Variants in TRAPPC9 observed in about 807,000 individuals in gnomAD.
TRAPPC9 encodes the protein IKK2 binding protein.
TRAPPC9 carries 83 observed loss-of-function variants against 124.0 expected under a neutral mutation model. The observed-to-expected ratio is 0.67, with a 90% confidence interval of 0.56 to 0.80. TRAPPC9 has a LOEUF of 0.80. TRAPPC9 is among the 30% of genes least tolerant of loss of function. The pLI is 0.00. For missense variants in TRAPPC9, 1,302 were observed against 1,508.3 expected (o/e 0.86, Z 2.27); for synonymous variants, 638 against 617.5 (o/e 1.03, Z -0.49).
chr8:139,748,364 T>C (rs1563782218), intron 21 of TRAPPC9, among the ~76,000 whole-genome samples: 1 of 88,500 alleles, frequency 1.1e-5, no homozygotes, highest in East Asian at 3.6e-4. Context: ...ACAGCAGGAG[T>C]CAGAGCAGGT....
rs555431509 is a variant in TRAPPC9, at chr8:140,418,385, A to T, written c.886+8230T>A. ...ATGTTGCCCTAATACCAAAACCAGA[A>T]ACAGACATCAAAAGAAAACTACAGA... is the stretch of plus-strand genomic sequence containing the variant. On this transcript the variant is annotated intron_variant, in intron 5 of 22. Coordinates refer to ENST00000438773, the MANE Select transcript of TRAPPC9 (RefSeq NM_001160372.4). Among the ~76,000 whole-genome samples the T allele has an allele frequency of 1.8e-4, 28 of 152,314 alleles. No homozygotes were observed. The South Asian group carries it at 2.9e-3, about 16-fold the overall frequency.
chr8:140,235,801 A>C (rs2063716188), intron 16 of TRAPPC9, among the ~76,000 whole-genome samples: 1 of 152,246 alleles, frequency 6.6e-6, no homozygotes, highest in South Asian at 2.1e-4. Context: ...GAATGTCTAT[A>C]GCAGCATCAT....
chr8:140,260,036 G>A (rs2064364400), intron 15 of TRAPPC9, among the ~76,000 whole-genome samples: 1 of 152,248 alleles, frequency 6.6e-6, no homozygotes. Flanking sequence ...CTTGAGTCAT[G>A]AGATCATGGG....
chr8:140,240,563 C>G (rs1160746709), intron 16 of TRAPPC9, among the ~76,000 whole-genome samples: 5 of 152,208 alleles, frequency 3.3e-5, no homozygotes, highest in African/African-American at 7.2e-5. Context: ...ACTCCCAAAT[C>G]TAGCCAACTT....
intron 17 of TRAPPC9, among the ~76,000 whole-genome samples, chr8:140,191,605 T>G (rs1033781603): frequency 3.0e-4 from 45 of 152,280 alleles, no homozygotes; most frequent in African/African-American, 1.1e-3. Context: ...ATTGTAAGCT[T>G]CCTGAGGCCC....
rs1266080217 is a variant in TRAPPC9, at chr8:140,287,630, C to T, written c.1959G>A (p.Thr653=). ...TACCGTTCACAGTAATCGTTCCAGT[C>T]GTCTGCGGGACCCCGACGAGCGTCA... ...YPVTLVGVPQ[T]TGTITVNGYH... The change falls in exon 13 of 23, where the codon ACG becomes ACA. Residue 653 remains threonine (T), a synonymous_variant. Transcript: ENST00000438773. 6.2e-6 allele frequency: 10 copies of T among 1,614,058 alleles called. No individual in the cohort carries two copies. The highest frequency in any genetic ancestry group is 2.7e-5 in the African/African-American group (2 of 74,938).
At chr8:140,025,565 C>CAAAAAAAAAAAAAAGAAAAAAAAAAAA (rs1840091121) in intron 17 of TRAPPC9, among the ~76,000 whole-genome samples, 1 of 123,852 alleles carries the variant, frequency 8.1e-6, no homozygotes. Context: ...AAGCAAAATG[C>CAAAAAAAAAAAAAAGAAAAAAAAAAAA]AAAAAAAAAA....
At chr8:140,309,257 C>A (rs546073944) in intron 10 of TRAPPC9, among the ~76,000 whole-genome samples, 2 of 152,244 alleles carry the variant, frequency 1.3e-5, no homozygotes, top group Non-Finnish European at 2.9e-5. Context: ...TGCTGCTCTG[C>A]GCTTTTGTGT....
At chr8:139,878,659 C>A (rs1829485369) in intron 21 of TRAPPC9, among the ~76,000 whole-genome samples, 1 of 152,140 alleles carries the variant, frequency 6.6e-6, no homozygotes, top group Non-Finnish European at 1.5e-5. Flanking sequence ...AGCTGTCCTG[C>A]AAAACAGTTG....
chr8:140,262,524 G>T (rs569237521), intron 15 of TRAPPC9: 1 of 151,022 alleles, frequency 6.6e-6, no homozygotes, highest in East Asian at 1.9e-4. Context: ...GTATACGGTG[G>T]GGGGGGGCAG....
chr8:139,947,620 G>C (rs1834308849), intron 19 of TRAPPC9, among the ~76,000 whole-genome samples: 1 of 151,948 alleles, frequency 6.6e-6, no homozygotes, highest in Non-Finnish European at 1.5e-5. Context: ...AGCACTTTGG[G>C]AGGCCTAGGC....
intron 9 of TRAPPC9, among the ~76,000 whole-genome samples, chr8:140,341,822 T>G (rs1195722157): frequency 6.6e-6 from 1 of 152,188 alleles, no homozygotes; most frequent in Non-Finnish European, 1.5e-5. Context: ...AAACTCACAG[T>G]ACGTGTGTGT....
In TRAPPC9 at chr8:140,003,601, C is replaced by CAAA. The variant is rs58826807; in HGVS notation, c.2700-14768_2700-14766dup. ...TGGGTGACAGAGTGAGACCCTGTCA[C>CAAA]AAAAAAAAAAAAAAAAAAAAAGTGC... On this transcript the variant is annotated intron_variant, in intron 18 of 22. Coordinates refer to ENST00000438773, the MANE Select transcript of TRAPPC9 (RefSeq NM_001160372.4). Among the ~76,000 whole-genome samples, 406 of 91,258 alleles carry CAAA rather than the reference C, an allele frequency of 4.4e-3. 4 individuals carry two copies. Among genetic ancestry groups the CAAA allele is most frequent in the African/African-American group, 0.012 (380 of 31,634 alleles). The allele number at this position is 91,258 out of a possible 152,430, so 59.9% of individuals were successfully genotyped here. A position where few individuals can be genotyped will look rare whatever the true frequency, so the allele number is the denominator to read the frequency against.
intron 21 of TRAPPC9, among the ~76,000 whole-genome samples, chr8:139,855,330 C>T (rs574774726): frequency 4.6e-5 from 7 of 152,322 alleles, no homozygotes; most frequent in Admixed American, 1.3e-4. Flanking sequence ...GCTGCTCCCA[C>T]GCAGCCCTAG....
intron 21 of TRAPPC9, among the ~76,000 whole-genome samples, chr8:139,792,990 C>G (rs1239409797): frequency 2.0e-5 from 3 of 152,218 alleles, no homozygotes; most frequent in Non-Finnish European, 2.9e-5. Flanking sequence ...GCCCACAGGA[C>G]TAGCTTGCCA....
intron 15 of TRAPPC9, among the ~76,000 whole-genome samples, chr8:140,254,235 C>T (rs778889074): frequency 3.3e-4 from 50 of 152,318 alleles, no homozygotes; most frequent in Middle Eastern, 3.4e-3. Context: ...TTTCCAGGTG[C>T]GGAAAGCAGG....
intron 2 of TRAPPC9, among the ~76,000 whole-genome samples, chr8:140,450,023 G>A (rs1357546133): frequency 6.6e-6 from 1 of 152,204 alleles, no homozygotes; most frequent in Non-Finnish European, 1.5e-5. Flanking sequence ...CCTAAGATAT[G>A]TAAAATACTA....
chr8:140,423,537 A>AT (rs544566558), intron 5 of TRAPPC9, among the ~76,000 whole-genome samples: 247 of 152,014 alleles, frequency 1.6e-3, no homozygotes, highest in Middle Eastern at 6.8e-3. Context: ...AATGATACAA[A>AT]TGTCCATCAA....
rs1364712931 is a variant in TRAPPC9 at position 139,943,559 on chromosome 8, C to T, written c.2811-33259G>A. Among the ~76,000 whole-genome samples, 16 of 152,174 alleles carry T rather than the reference C, an allele frequency of 1.1e-4. 1 individual carries two copies. The highest frequency in any genetic ancestry group is 1.0e-3 in the Admixed American group (16 of 15,276). ...ACTGACCCATCCTTAAGAGAAAAGA[C>T]ACTCAATAAATTGACATCAATTTGA... On this transcript the variant is annotated intron_variant, in intron 19 of 22. Transcript: ENST00000438773.
Sources: allele counts gnomAD v4.1 joint callset (sites outside exome capture counted in the v4.1 genomes callset), GRCh38; gene constraint gnomAD v4.1.1; transcripts MANE v1.5; gene names NCBI Gene and HGNC (gene_info 2026-07-23, HGNC 2026-07-21).